The following ESRRB variants were observed in gnomAD, a reference collection of about 807,000 sequenced individuals.
ESRRB encodes steroid hormone receptor ERR2.
A neutral mutation model predicts 46.0 loss-of-function variants in ESRRB; 16 were observed. That is an observed-to-expected ratio of 0.35 (90% CI 0.24 to 0.53). The LOEUF (loss-of-function observed/expected upper bound fraction) is 0.53. Among genes scored for constraint, ESRRB ranks in the 20% least tolerant of loss-of-function variants. The pLI, the probability that ESRRB is intolerant of heterozygous loss-of-function variation, is 0.93. For synonymous variants in ESRRB, 246 were observed against 259.6 expected (o/e 0.95, Z 0.50); for missense variants, 488 against 607.4 (o/e 0.80, Z 2.07).
At chr14:76,438,848 T>A (rs995949367) in intron 1 of ESRRB, among the ~76,000 whole-genome samples, 2 of 152,126 alleles carry the variant, frequency 1.3e-5, no homozygotes, top group African/African-American at 4.8e-5. Flanking sequence ...CCACCCATGC[T>A]GGAACGTAGG....
chr14:76,462,518 G>A (rs760139272), intron 2 of ESRRB, 27 bp from the exon 3 acceptor site: 54 of 1,590,020 alleles, frequency 3.4e-5, no homozygotes, highest in South Asian at 2.2e-4. Context: ...GCCAGCACCC[G>A]GCAACCCTCT....
intron 1 of ESRRB, among the ~76,000 whole-genome samples, chr14:76,400,386 C>T (rs1330051271): frequency 2.6e-5 from 4 of 152,246 alleles, no homozygotes; most frequent in South Asian, 2.1e-4. Context: ...ATCTGAAGAC[C>T]GTTGCAGATT....
chr14:76,472,948 T>A (rs780864081), intron 3 of ESRRB, among the ~76,000 whole-genome samples: 1 of 152,224 alleles, frequency 6.6e-6, no homozygotes, highest in Non-Finnish European at 1.5e-5. Flanking sequence ...GGAAAAATAC[T>A]CATTCCTCGA....
chr14:76,407,591 C>G, intron 1 of ESRRB: 1 of 985,932 alleles, frequency 1.0e-6, no homozygotes, highest in Non-Finnish European at 1.2e-6. Flanking sequence ...ACAGGCTGCT[C>G]AGAGGGTAAG....
At chr14:76,460,214 C>T (rs1466702575) in intron 2 of ESRRB, among the ~76,000 whole-genome samples, 1 of 152,206 alleles carries the variant, frequency 6.6e-6, no homozygotes, top group Non-Finnish European at 1.5e-5. Context: ...CCCCTACTAC[C>T]CACCAGGCGA....
chr14:76,439,080 G>A (rs1887797067), intron 1 of ESRRB, among the ~76,000 whole-genome samples: 1 of 152,066 alleles, frequency 6.6e-6, no homozygotes, highest in Non-Finnish European at 1.5e-5. Context: ...GGGATTTACA[G>A]GTGTGAGCCA....
At chr14:76,397,702 C>T (rs577328208) in intron 1 of ESRRB, among the ~76,000 whole-genome samples, 6 of 152,230 alleles carry the variant, frequency 3.9e-5, no homozygotes, top group African/African-American at 1.4e-4. Context: ...ACCAGGAGTT[C>T]GAGACCAGCC....
At chr14:76,415,803 G>A (rs994378668) in intron 1 of ESRRB, among the ~76,000 whole-genome samples, 2 of 152,060 alleles carry the variant, frequency 1.3e-5, no homozygotes, top group Non-Finnish European at 2.9e-5. Context: ...CACTGCGCCT[G>A]ATAAGCACTT....
chr14:76,404,334 C>A (rs545574633), intron 1 of ESRRB: 9 of 149,258 alleles, frequency 6.0e-5, no homozygotes, highest in Non-Finnish European at 1.3e-4. Context: ...CTTTTAAATT[C>A]TTTATATATA....
intron 1 of ESRRB, among the ~76,000 whole-genome samples, chr14:76,398,759 C>T (rs1595079468): frequency 1.3e-5 from 2 of 152,228 alleles, no homozygotes; most frequent in African/African-American, 4.8e-5. Flanking sequence ...GAGGTAGAAG[C>T]TCTTCTGCTC....
intron 1 of ESRRB, among the ~76,000 whole-genome samples, chr14:76,333,477 A>T (rs1177458529): frequency 7.5e-6 from 1 of 132,958 alleles, no homozygotes. Flanking sequence ...TATCATATAT[A>T]AATATATATT....
At chr14:76,483,418 C>A (rs1889885485) in intron 5 of ESRRB, among the ~76,000 whole-genome samples, 1 of 152,184 alleles carries the variant, frequency 6.6e-6, no homozygotes. Context: ...CTAAGGGAGG[C>A]CTGTCTCTGG....
intron 1 of ESRRB, among the ~76,000 whole-genome samples, chr14:76,348,634 A>T (rs1884277291): frequency 1.3e-5 from 2 of 152,186 alleles, no homozygotes; most frequent in Admixed American, 1.3e-4. Context: ...TCTCACAGGG[A>T]TGCTATAGAG....
intron 3 of ESRRB, among the ~76,000 whole-genome samples, chr14:76,467,041 C>T (rs1394014011): frequency 1.3e-5 from 2 of 151,694 alleles, no homozygotes; most frequent in African/African-American, 4.8e-5. Flanking sequence ...TTATTACTCA[C>T]GCCCACCTGC....
At chr14:76,431,334 T>C (rs1077430) in intron 1 of ESRRB, among the ~76,000 whole-genome samples, 58,848 of 149,884 alleles carry the variant, frequency 0.39, 12,796 homozygotes, top group African/African-American at 0.6. Context: ...TGATGATCTC[T>C]TGTTGATACC....
At chr14:76,449,371 C>T (rs1888284808) in intron 2 of ESRRB, among the ~76,000 whole-genome samples, 3 of 151,850 alleles carry the variant, frequency 2.0e-5, no homozygotes, top group Admixed American at 6.6e-5. Flanking sequence ...GCCAACATGG[C>T]GAAACCCCAT....
At chr14:76,407,661 G>T (rs184385015) in intron 1 of ESRRB, 10 of 883,930 alleles carry the variant, frequency 1.1e-5, no homozygotes, top group Non-Finnish European at 1.4e-5. Context: ...CAAAACCCTC[G>T]TGGCTGAGCA....
At chr14:76,375,218 C>T (rs1223471736), upstream of ESRRB, among the ~76,000 whole-genome samples, 2 of 151,878 alleles carry the variant, frequency 1.3e-5, no homozygotes, top group African/African-American at 4.8e-5. Context: ...TGGTGCATCT[C>T]AAAAGATGAA....
chr14:76,332,969 T>C (rs1390340439), intron 1 of ESRRB, among the ~76,000 whole-genome samples: 1 of 31,012 alleles, frequency 3.2e-5, no homozygotes, highest in Non-Finnish European at 5.3e-5. Context: ...TTATATATAT[T>C]ATATATCTAT....
Sources: gnomAD v4.1 joint callset for allele counts (sites outside exome capture counted in the v4.1 genomes callset) on GRCh38, gnomAD v4.1.1 for gene constraint, MANE v1.5 for transcripts, NCBI Gene and HGNC (gene_info 2026-07-23, HGNC 2026-07-21) for gene names.